Variants in BTBD19 observed in about 807,000 individuals in gnomAD.
BTBD19 encodes BTB domain containing 19.
Under a neutral mutation model 36.1 loss-of-function variants are expected in BTBD19, and 20 were observed. That is an observed-to-expected ratio of 0.55 (90% CI 0.39 to 0.80). The LOEUF (loss-of-function observed/expected upper bound fraction) is 0.80, where lower values mean the gene tolerates loss of function less well. Ranked by LOEUF, BTBD19 falls within the 30% of genes least tolerant of loss-of-function variation. The pLI, the probability that BTBD19 is intolerant of heterozygous loss-of-function variation, is 0.00. For synonymous variants in BTBD19, 157 were observed against 174.3 expected (o/e 0.90, Z 0.78); for missense variants, 325 against 389.8 (o/e 0.83, Z 1.40).
exon 8 of BTBD19, chr1:44,814,069 T>G: frequency 1.8e-6 from 1 of 559,662 alleles, no homozygotes; most frequent in Non-Finnish European, 3.2e-6. Context: ...CCCTGGGCAT[T>G]GTCGTCTACT....
rs992071383 is a variant in BTBD19, at chr1:44,810,625, G to T, written c.354+18G>T. 4.6e-6 allele frequency: 7 copies of T among 1,530,118 alleles called. No individual in the cohort carries two copies. The highest frequency in any genetic ancestry group is 6.2e-6 in the Non-Finnish European group (7 of 1,135,318). The allele number at this position is 1,530,118 out of a possible 1,614,324, so 94.8% of individuals were successfully genotyped here. ...TGAGAGAGGTGGGTTTTTGTGCCAG[G>T]TCCCTGTCTCATTTCCCTTGCTTCT... is the stretch of plus-strand genomic sequence containing the variant. On this transcript the variant is annotated intron_variant, in intron 3 of 7. Transcript: ENST00000450269. The surrounding 1 kb of genome is among the most constrained non-coding windows in gnomAD (Gnocchi z 4.2).
intron 1 of BTBD19, 61 bp downstream of exon 1, chr1:44,808,967 A>C: frequency 1.5e-6 from 2 of 1,360,140 alleles, no homozygotes; most frequent in South Asian, 1.4e-5. Flanking sequence ...CCAGGACTCT[A>C]AGGAGGCCCT....
intron 1 of BTBD19, among the ~76,000 whole-genome samples, chr1:44,809,839 C>A (rs551392260): frequency 2.4e-4 from 37 of 152,336 alleles, no homozygotes; most frequent in African/African-American, 8.2e-4. Flanking sequence ...CCAAAAGAAG[C>A]TTCCCTGCCC....
At position 44,810,403 on chromosome 1, in the gene BTBD19, AGT is replaced by A. The variant is rs1442057303; in HGVS notation, c.280_281del (p.Val94GlnfsTer41). On this transcript the variant is annotated frameshift_variant, in exon 2 of 8. Coordinates refer to ENST00000450269, the Ensembl canonical transcript of BTBD19. LOFTEE classifies it high-confidence loss of function. The surrounding 1 kb of genome is among the most constrained non-coding windows in gnomAD (Gnocchi z 4.2). ...AGTGCTGGAGTTCCTATATACCAAC[AGT>A]GTCAAGCTGTACCGCCACTCTGTGA... is the stretch of plus-strand genomic sequence containing the variant. The A allele has an allele frequency of 2.6e-6, 4 of 1,551,600 alleles. No individual in the cohort carries two copies. Among genetic ancestry groups the A allele is most frequent in the Non-Finnish European group, 3.5e-6 (4 of 1,146,928 alleles).
In BTBD19 at chr1:44,813,618, T is replaced by A. The variant is rs1474286322; in HGVS notation, c.742-20T>A. 1 of 1,545,778 alleles carries A rather than the reference T, an allele frequency of 6.5e-7. No homozygotes were observed. The highest frequency in any genetic ancestry group is 2.5e-5 in the East Asian group (1 of 40,732). ...GAGGGGCCACCGCGGGACTGCGCACTAACTGGCCTTGCTCTGCAGGTGGAG... is the reference window on the plus strand; with the variant it reads ...GAGGGGCCACCGCGGGACTGCGCACAAACTGGCCTTGCTCTGCAGGTGGAG... On this transcript the variant is annotated intron_variant, in intron 7 of 7. Coordinates refer to ENST00000450269, the Ensembl canonical transcript of BTBD19. This position sits in a 1 kb window ranked among gnomAD's most constrained non-coding sequence, Gnocchi z 7.8.
chr1:44,812,017 C>G lies in BTBD19; in HGVS notation c.355-22C>G, dbSNP rs191454404. 6.1e-6 allele frequency: 8 copies of G among 1,304,024 alleles called. No individual in the cohort carries two copies. The East Asian group carries it at 4.4e-4, about 72-fold the overall frequency. The allele number at this position is 1,304,024 out of a possible 1,614,324, so 80.8% of individuals were successfully genotyped here. On this transcript the variant is annotated intron_variant, in intron 3 of 7. Transcript: ENST00000450269. The stretch of plus-strand genomic sequence containing the variant: ...TGGAGCAGGGACACCGCCACCCAAC[C>G]CACATTCATTTCTGTTCCCAGCTGT...
rs1652346980 is a variant in BTBD19, at chr1:44,810,393, A to G, written c.267A>G (p.Leu89=). ...CCTTCCTGGCAGTGCTGGAGTTCCTATATACCAACAGTGTCAAGCTGTACC... is the reference window on the plus strand; with the variant it reads ...CCTTCCTGGCAGTGCTGGAGTTCCTGTATACCAACAGTGTCAAGCTGTACC... The change falls in exon 2 of 8, where the codon CTA becomes CTG. Residue 89 remains leucine, a synonymous_variant. Transcript: ENST00000450269. The surrounding 1 kb of genome is among the most constrained non-coding windows in gnomAD (Gnocchi z 4.2). 1 of 1,551,566 alleles carries G rather than the reference A, an allele frequency of 6.4e-7. No individual in the cohort carries two copies. Among genetic ancestry groups the G allele is most frequent in the Admixed American group, 2.0e-5 (1 of 51,006 alleles).
At position 44,810,168 on chromosome 1, in the gene BTBD19, G is replaced by T. The variant is rs542765440; in HGVS notation, c.87-45G>T. On this transcript the variant is annotated intron_variant, in intron 1 of 7. Transcript: ENST00000450269. This position sits in a 1 kb window ranked among gnomAD's most constrained non-coding sequence, Gnocchi z 4.2. Reference sequence around the variant, plus strand: ...AAAGGCACAGCCCAAGTTGCACTCCGGGTGCTGGCCTCCTCCCCGCTGCCT... The same window carrying T: ...AAAGGCACAGCCCAAGTTGCACTCCTGGTGCTGGCCTCCTCCCCGCTGCCT... 4 of 1,492,860 alleles carry T rather than the reference G, an allele frequency of 2.7e-6. No homozygotes were observed. The highest frequency in any genetic ancestry group is 2.5e-5 in the East Asian group (1 of 40,612). The allele number at this position is 1,492,860 out of a possible 1,614,324, so 92.5% of individuals were successfully genotyped here. A position where few individuals can be genotyped will look rare whatever the true frequency, so the allele number is the denominator to read the frequency against.
chr1:44,810,036 G>A lies in BTBD19; in HGVS notation c.87-177G>A, dbSNP rs1652324931. On this transcript the variant is annotated intron_variant, in intron 1 of 7. Transcript: ENST00000450269. The surrounding 1 kb of genome is among the most constrained non-coding windows in gnomAD (Gnocchi z 4.2). The stretch of plus-strand genomic sequence containing the variant: ...AGTCACTTGCCTATGGTACCCATTA[G>A]GTGGAGCTGGGACTAGAACTCAGGG... Among the ~76,000 whole-genome samples the A allele has an allele frequency of 6.6e-6, 1 of 152,244 alleles. No homozygotes were observed. Among genetic ancestry groups the A allele is most frequent in the South Asian group, 2.1e-4 (1 of 4,834 alleles).
intron 1 of BTBD19, 148 bp downstream of exon 1, chr1:44,809,054 C>A (rs1652273096): frequency 3.2e-6 from 2 of 621,544 alleles, no homozygotes; most frequent in South Asian, 2.6e-5. Context: ...AAATGTGGAA[C>A]ATGGCTACTG....
At position 44,813,632 on chromosome 1, in the gene BTBD19, C is replaced by G; in HGVS notation, c.742-6C>G. 1 of 1,548,470 alleles carries G rather than the reference C, an allele frequency of 6.5e-7. No homozygotes were observed. The highest frequency in any genetic ancestry group is 8.7e-7 in the Non-Finnish European group (1 of 1,144,608). On this transcript the variant is annotated splice_region_variant and splice_polypyrimidine_tract_variant and intron_variant, in intron 7 of 7. Transcript: ENST00000450269. This position sits in a 1 kb window ranked among gnomAD's most constrained non-coding sequence, Gnocchi z 7.8. Reference sequence around the variant, plus strand: ...GGACTGCGCACTAACTGGCCTTGCTCTGCAGGTGGAGCAGATTGTGGAGGC... The same window carrying G: ...GGACTGCGCACTAACTGGCCTTGCTGTGCAGGTGGAGCAGATTGTGGAGGC...
In BTBD19 at chr1:44,812,984, T is replaced by C. The variant is rs1248521856; in HGVS notation, c.415-12T>C. 2 of 1,547,884 alleles carry C rather than the reference T, an allele frequency of 1.3e-6. No homozygotes were observed. Among genetic ancestry groups the C allele is most frequent in the Non-Finnish European group, 1.7e-6 (2 of 1,144,494 alleles). On this transcript the variant is annotated splice_polypyrimidine_tract_variant and intron_variant, in intron 4 of 7. Coordinates refer to ENST00000450269, the Ensembl canonical transcript of BTBD19. ...CCAGTCTCCAACCTGATCTCCCTCATTCTGCTCGCAGGTGGCCGTAACCTT... is the reference window on the plus strand; with the variant it reads ...CCAGTCTCCAACCTGATCTCCCTCACTCTGCTCGCAGGTGGCCGTAACCTT...
Position 44,811,803 on chromosome 1 carries a change from A to T in BTBD19, c.355-236A>T, listed in dbSNP as rs548200186. The T allele has an allele frequency of 1.2e-4, 39 of 324,222 alleles. No homozygotes were observed. The Admixed American group carries it at 1.5e-3, about 12-fold the overall frequency. The allele number at this position is 324,222 out of a possible 1,614,324, so 20.1% of individuals were successfully genotyped here. On this transcript the variant is annotated intron_variant, in intron 3 of 7. Transcript: ENST00000450269. ...TTTGCATGGCCTTTATCTGGTTTTG[A>T]TTAGTGGCGAATGTACTAGAAGGTG... is the stretch of plus-strand genomic sequence containing the variant.
chr1:44,814,212 T>TTCTC (rs759782134), downstream of BTBD19: 1 of 109,370 alleles, frequency 9.1e-6, no homozygotes, highest in African/African-American at 3.8e-5. Flanking sequence ...CTTTCTTTCT[T>TTCTC]TTTCTTTCTT....
Position 44,810,977 on chromosome 1 carries a change from T to TGGGAA in BTBD19, c.354+372_354+376dup, listed in dbSNP as rs1436575059. Among the ~76,000 whole-genome samples the TGGGAA allele has an allele frequency of 2.6e-5, 4 of 152,138 alleles. No homozygotes were observed. Among genetic ancestry groups the TGGGAA allele is most frequent in the Admixed American group, 2.6e-4 (4 of 15,268 alleles). On this transcript the variant is annotated intron_variant, in intron 3 of 7. Transcript: ENST00000450269. The surrounding 1 kb of genome is among the most constrained non-coding windows in gnomAD (Gnocchi z 4.2). ...GCTCACGCCTGTAATCCCAGCACTT[T>TGGGAA]GGGAAGCTGAAGCAGGTGGATCACT...
Position 44,810,376 on chromosome 1 carries a change from G to A in BTBD19, c.250G>A (p.Ala84Thr), listed in dbSNP as rs1159260163. 6.4e-7 allele frequency: 1 copy of A among 1,551,732 alleles called. No homozygotes were observed. Reference sequence around the variant, plus strand: ...CACTGTGCCAACTGAGGCCTTCCTGGCAGTGCTGGAGTTCCTATATACCAA... The same window carrying A: ...CACTGTGCCAACTGAGGCCTTCCTGACAGTGCTGGAGTTCCTATATACCAA... Residue 84 changes from alanine (A) to threonine (T), a missense_variant, in exon 2 of 8, where the codon GCA (alanine) becomes ACA (threonine). Physicochemically the swap from Ala to Thr is moderately conservative, Grantham distance 58. Transcript: ENST00000450269. This position sits in a 1 kb window ranked among gnomAD's most constrained non-coding sequence, Gnocchi z 4.2.
At position 44,810,709 on chromosome 1, in the gene BTBD19, C is replaced by T. The variant is rs1008923813; in HGVS notation, c.354+102C>T. 7.7e-6 allele frequency: 9 copies of T among 1,171,542 alleles called. No individual in the cohort carries two copies. Among genetic ancestry groups the T allele is most frequent in the Admixed American group, 2.8e-5 (1 of 35,530 alleles). The allele number at this position is 1,171,542 out of a possible 1,614,324, so 72.6% of individuals were successfully genotyped here. On this transcript the variant is annotated intron_variant, in intron 3 of 7. Coordinates refer to ENST00000450269, the Ensembl canonical transcript of BTBD19. The surrounding 1 kb of genome is among the most constrained non-coding windows in gnomAD (Gnocchi z 4.2). Reference sequence around the variant, plus strand: ...CTCTGGCCTGGAGAGGAACGTGTGCCCACACAGAGAGAAGTATGTATATCT... The same window carrying T: ...CTCTGGCCTGGAGAGGAACGTGTGCTCACACAGAGAGAAGTATGTATATCT...
chr1:44,812,680 C>T (rs2148864435), intron 4 of BTBD19, among the ~76,000 whole-genome samples: 1 of 152,140 alleles, frequency 6.6e-6, no homozygotes, highest in African/African-American at 2.4e-5. Flanking sequence ...GCCTGGGCAA[C>T]AGAGTGAGAC....
In BTBD19 at chr1:44,810,340, G is replaced by C. The variant is rs1652343600; in HGVS notation, c.214G>C (p.Val72Leu). 3 of 1,551,712 alleles carry C rather than the reference G, an allele frequency of 1.9e-6. No individual in the cohort carries two copies. Among genetic ancestry groups the C allele is most frequent in the Non-Finnish European group, 1.7e-6 (2 of 1,147,014 alleles). ...GCCAGGCCCCGGGGTGCCCAGTCCT[G>C]TGGTGCTAAGCACTGTGCCAACTGA... The change falls in exon 2 of 8, where the codon GTG becomes CTG. Residue 72 changes from valine to leucine, a missense_variant. Physicochemically the swap from Val to Leu is conservative, Grantham distance 32 (BLOSUM62 1). Coordinates refer to ENST00000450269, the Ensembl canonical transcript of BTBD19. This position sits in a 1 kb window ranked among gnomAD's most constrained non-coding sequence, Gnocchi z 4.2.
Sources: gnomAD v4.1 joint callset for allele counts (sites outside exome capture counted in the v4.1 genomes callset) on GRCh38, gnomAD v4.1.1 for gene constraint, Gnocchi (gnomAD v3.1) non-coding constraint, MANE v1.5 for transcripts, NCBI Gene and HGNC (gene_info 2026-07-23, HGNC 2026-07-21) for gene names.